SEMA6D: variants seen among roughly 807,000 people sequenced by gnomAD.
The protein encoded by SEMA6D is semaphorin-6D.
SEMA6D carries 35 observed loss-of-function variants against 106.6 expected under a neutral mutation model. That is an observed-to-expected ratio of 0.33 (90% CI 0.25 to 0.44). SEMA6D has a LOEUF of 0.44. Ranked by LOEUF, SEMA6D falls within the 20% of genes least tolerant of loss-of-function variation. SEMA6D has a pLI of 1.00. For synonymous variants in SEMA6D, 499 were observed against 487.7 expected, an observed-to-expected ratio of 1.02 and a Z score of -0.31; for missense variants, 1,185 against 1,345.9, an observed-to-expected ratio of 0.88 and a Z score of 1.87.
intron 2 of SEMA6D, among the ~76,000 whole-genome samples, chr15:47,448,364 G>T (rs998224668): frequency 8.9e-6 from 1 of 112,980 alleles, no homozygotes; most frequent in Non-Finnish European, 1.7e-5. Context: ...AATAGAAATT[G>T]TCTTGTGAGG....
chr15:47,406,263 G>C (rs2146096081), intron 1 of SEMA6D, among the ~76,000 whole-genome samples: 1 of 152,278 alleles, frequency 6.6e-6, no homozygotes, highest in South Asian at 2.1e-4. Context: ...CAAAATCAGG[G>C]ACCTAGATGA....
At chr15:47,200,330 C>T (rs1326418292) in intron 1 of SEMA6D, among the ~76,000 whole-genome samples, 1 of 151,988 alleles carries the variant, frequency 6.6e-6, no homozygotes, top group African/African-American at 2.4e-5. Context: ...CTATAAAGGA[C>T]TAGGAAACAA....
At position 47,629,798 on chromosome 15, in the gene SEMA6D, ATAT is replaced by A. The variant is rs2077262814; in HGVS notation, c.-55+28904_-55+28906del. On this transcript the variant is annotated intron_variant, in intron 4 of 19. Coordinates refer to the SEMA6D transcript ENST00000558014. ...TCCCATTTATGAGTGAGAATGTATA[ATAT>A]TTGTCTTTCTGTGCCTGGCTTATTT... is the stretch of plus-strand genomic sequence containing the variant. 5.9e-5 allele frequency among the ~76,000 whole-genome samples: 9 copies of A among 151,914 alleles called. No individual in the cohort carries two copies. In the South Asian group the frequency reaches 1.9e-3, roughly 32 times the overall value.
At chr15:47,768,320 T>G (rs2082453006) in intron 17 of SEMA6D, among the ~76,000 whole-genome samples, 1 of 152,210 alleles carries the variant, frequency 6.6e-6, no homozygotes, top group South Asian at 2.1e-4. Flanking sequence ...GTGTCATTAG[T>G]AACCACAGGG....
intron 1 of SEMA6D, among the ~76,000 whole-genome samples, chr15:47,277,606 A>AT (rs371909484): frequency 0.66 from 66,407 of 101,264 alleles, 17,058 homozygotes; most frequent in Non-Finnish European, 0.7. Flanking sequence ...TATTATTATT[A>AT]TTATTATTTA....
intron 1 of SEMA6D, among the ~76,000 whole-genome samples, chr15:47,317,246 G>T (rs1198163792): frequency 6.6e-6 from 1 of 152,050 alleles, no homozygotes; most frequent in Non-Finnish European, 1.5e-5. Flanking sequence ...TGGGACTGGA[G>T]TTATGGCCCC....
chr15:47,466,883 C>T (rs1021558690), intron 2 of SEMA6D, among the ~76,000 whole-genome samples: 5 of 149,782 alleles, frequency 3.3e-5, no homozygotes, highest in African/African-American at 7.4e-5. Context: ...TGTAGCACCA[C>T]GCCTGGCTTT....
At chr15:47,559,000 TA>T (rs2045997943) in intron 3 of SEMA6D, among the ~76,000 whole-genome samples, 1 of 152,050 alleles carries the variant, frequency 6.6e-6, no homozygotes, top group Admixed American at 6.6e-5. Flanking sequence ...TAGAAAGTGC[TA>T]ATAGATGAGA....
intron 1 of SEMA6D, among the ~76,000 whole-genome samples, chr15:47,339,905 A>C (rs1200598226): frequency 1.3e-5 from 2 of 152,040 alleles, no homozygotes; most frequent in African/African-American, 4.8e-5. Flanking sequence ...AAAGAGAAAG[A>C]GAGAGGAAGA....
At chr15:47,509,073 A>G (rs1044932515) in intron 3 of SEMA6D, among the ~76,000 whole-genome samples, 4 of 151,964 alleles carry the variant, frequency 2.6e-5, no homozygotes, top group African/African-American at 9.7e-5. Flanking sequence ...TATTCTGGAC[A>G]CCTCTTGAGC....
chr15:47,208,998 A>G (rs567337774), intron 1 of SEMA6D, among the ~76,000 whole-genome samples: 150 of 152,330 alleles, frequency 9.8e-4, no homozygotes, highest in African/African-American at 3.5e-3. Context: ...GCTGGACCAC[A>G]TGCATAGCTT....
At chr15:47,506,599 A>AACACACAC (rs61155774) in intron 3 of SEMA6D, among the ~76,000 whole-genome samples, 10,549 of 137,812 alleles carry the variant, frequency 0.077, 452 homozygotes, top group Middle Eastern at 0.17. Context: ...CACACACACA[A>AACACACAC]ACACACACAC....
intron 3 of SEMA6D, among the ~76,000 whole-genome samples, chr15:47,599,325 T>G (rs150748480): frequency 7.4e-4 from 112 of 152,210 alleles, no homozygotes; most frequent in African/African-American, 2.4e-3. Context: ...AGGTTGTTGC[T>G]CCTCTGTTTC....
chr15:47,265,225 A>G (rs1458750956), intron 1 of SEMA6D, among the ~76,000 whole-genome samples: 2 of 151,972 alleles, frequency 1.3e-5, no homozygotes, highest in African/African-American at 4.8e-5. Context: ...TACTACAATA[A>G]AATGGGGAAG....
chr15:47,600,147 AAACT>A (rs2076618498), intron 3 of SEMA6D, among the ~76,000 whole-genome samples: 1 of 152,174 alleles, frequency 6.6e-6, no homozygotes, highest in African/African-American at 2.4e-5. Flanking sequence ...TTTGCAAAAC[AAACT>A]GAGAACCAGG....
At chr15:47,488,187 T>G (rs188575557) in intron 3 of SEMA6D, among the ~76,000 whole-genome samples, 159 of 152,308 alleles carry the variant, frequency 1.0e-3, no homozygotes, top group Non-Finnish European at 1.9e-3. Flanking sequence ...GTATCTTCTT[T>G]GCACATGGTT....
chr15:47,190,272 C>A (rs1409922034), intron 1 of SEMA6D, among the ~76,000 whole-genome samples: 1 of 152,140 alleles, frequency 6.6e-6, no homozygotes, highest in Non-Finnish European at 1.5e-5. Flanking sequence ...AGTTTGAACT[C>A]CAAGATTTGG....
chr15:47,662,074 G>A (rs931750073), intron 4 of SEMA6D, among the ~76,000 whole-genome samples: 1 of 152,158 alleles, frequency 6.6e-6, no homozygotes, highest in Non-Finnish European at 1.5e-5. Context: ...AGTGAGTGGA[G>A]CTGTATGTTA....
At chr15:47,662,105 G>A (rs2077932713) in intron 4 of SEMA6D, among the ~76,000 whole-genome samples, 3 of 152,138 alleles carry the variant, frequency 2.0e-5, no homozygotes, top group Admixed American at 2.0e-4. Context: ...GTGGGTGTCT[G>A]CGGTGTCTGG....
Sources: allele counts gnomAD v4.1 joint callset (sites outside exome capture counted in the v4.1 genomes callset), GRCh38; gene constraint gnomAD v4.1.1; transcripts MANE v1.5; gene names NCBI Gene and HGNC (gene_info 2026-07-23, HGNC 2026-07-21).